The following HS6ST3 variants were observed in gnomAD, a reference collection of about 807,000 sequenced individuals.
HS6ST3 encodes the protein heparan-sulfate 6-O-sulfotransferase 3.
Under a neutral mutation model 36.7 loss-of-function variants are expected in HS6ST3, and 12 were observed. The observed-to-expected ratio is 0.33, with a 90% CI of 0.21 to 0.53. HS6ST3 has a LOEUF of 0.53. HS6ST3 is among the 20% of genes least tolerant of loss of function. The pLI is 0.95. For synonymous variants in HS6ST3, 240 were observed against 257.5 expected, an observed-to-expected ratio of 0.93 and a Z score of 0.65; for missense variants, 584 against 640.9, an observed-to-expected ratio of 0.91 and a Z score of 0.96.
chr13:96,162,777 G>A (rs1307113522), intron 1 of HS6ST3, among the ~76,000 whole-genome samples: 2 of 152,056 alleles, frequency 1.3e-5, no homozygotes, highest in African/African-American at 4.8e-5. Flanking sequence ...TTATCTAGGA[G>A]TTCTTTTTCA....
chr13:96,618,984 C>A (rs1036657841), intron 1 of HS6ST3, among the ~76,000 whole-genome samples: 1 of 150,766 alleles, frequency 6.6e-6, no homozygotes, highest in Non-Finnish European at 1.5e-5. Context: ...ATTTGGCAAG[C>A]AAAGAATATG....
intron 1 of HS6ST3, among the ~76,000 whole-genome samples, chr13:96,654,273 A>G (rs977477166): frequency 1.3e-5 from 2 of 152,144 alleles, no homozygotes; most frequent in Non-Finnish European, 2.9e-5. Context: ...TTAGTCATTA[A>G]GTCTTTGTCC....
intron 1 of HS6ST3, among the ~76,000 whole-genome samples, chr13:96,495,301 C>T (rs1010950954): frequency 6.6e-6 from 1 of 152,150 alleles, no homozygotes; most frequent in Admixed American, 6.5e-5. Context: ...GGGTCATTGT[C>T]GCTTGTAAGA....
At chr13:96,360,729 T>A (rs577611388) in intron 1 of HS6ST3, among the ~76,000 whole-genome samples, 262 of 151,452 alleles carry the variant, frequency 1.7e-3, no homozygotes, top group Non-Finnish European at 2.8e-3. Flanking sequence ...GGTGGGTCAC[T>A]TGAGGTCAGG....
chr13:96,659,328 A>G (rs1185898758), intron 1 of HS6ST3, among the ~76,000 whole-genome samples: 1 of 152,144 alleles, frequency 6.6e-6, no homozygotes, highest in African/African-American at 2.4e-5. Flanking sequence ...AGTGTCTTCA[A>G]ATCTTTTGTT....
chr13:96,559,537 A>G (rs2056254212), intron 1 of HS6ST3, among the ~76,000 whole-genome samples: 1 of 152,228 alleles, frequency 6.6e-6, no homozygotes, highest in African/African-American at 2.4e-5. Flanking sequence ...TAATGAAGCT[A>G]AAACACATGA....
At chr13:96,133,882 C>T (rs2053988743) in intron 1 of HS6ST3, among the ~76,000 whole-genome samples, 1 of 143,538 alleles carries the variant, frequency 7.0e-6, no homozygotes, top group Non-Finnish European at 1.5e-5. Context: ...AGTTTCAGGT[C>T]TTACATTTAA....
At chr13:96,437,480 C>T (rs929643654) in intron 1 of HS6ST3, among the ~76,000 whole-genome samples, 18 of 152,192 alleles carry the variant, frequency 1.2e-4, no homozygotes, top group African/African-American at 4.1e-4. Flanking sequence ...AGTCTCCTCC[C>T]CACCTTTCTG....
At chr13:96,254,144 G>A (rs981359194) in intron 1 of HS6ST3, among the ~76,000 whole-genome samples, 8 of 151,864 alleles carry the variant, frequency 5.3e-5, no homozygotes, top group East Asian at 1.9e-4. Flanking sequence ...AGCCGGGCGC[G>A]GTGGCTCATG....
chr13:96,501,571 A>C (rs1028177144), intron 1 of HS6ST3, among the ~76,000 whole-genome samples: 3 of 152,238 alleles, frequency 2.0e-5, no homozygotes, highest in Admixed American at 6.5e-5. Context: ...AAAAACATTT[A>C]GAACAGAGCC....
intron 1 of HS6ST3, among the ~76,000 whole-genome samples, chr13:96,326,251 T>C (rs1363724878): frequency 6.6e-6 from 1 of 151,628 alleles, no homozygotes; most frequent in Non-Finnish European, 1.5e-5. Context: ...TATGTATACA[T>C]GTGCCATGTT....
intron 1 of HS6ST3, among the ~76,000 whole-genome samples, chr13:96,555,645 G>C (rs1411748946): frequency 6.6e-6 from 1 of 152,086 alleles, no homozygotes; most frequent in African/African-American, 2.4e-5. Flanking sequence ...AATTACTTGG[G>C]TATAGATGTA....
chr13:96,193,287 G>A (rs1179286171), intron 1 of HS6ST3, among the ~76,000 whole-genome samples: 3 of 152,132 alleles, frequency 2.0e-5, no homozygotes, highest in South Asian at 2.1e-4. Flanking sequence ...AAAGCCGAAC[G>A]AAATAGGAAG....
At chr13:96,208,980 C>T (rs995877799) in intron 1 of HS6ST3, among the ~76,000 whole-genome samples, 1 of 152,172 alleles carries the variant, frequency 6.6e-6, no homozygotes, top group Non-Finnish European at 1.5e-5. Flanking sequence ...TACTGCTTCA[C>T]TGAGCCCATT....
intron 1 of HS6ST3, among the ~76,000 whole-genome samples, chr13:96,385,241 G>A (rs866624974): frequency 6.6e-6 from 1 of 151,314 alleles, no homozygotes; most frequent in South Asian, 2.1e-4. Context: ...AAGTGGAGAC[G>A]TTCTAGCTCC....
intron 1 of HS6ST3, among the ~76,000 whole-genome samples, chr13:96,470,922 G>A (rs2138890360): frequency 6.6e-6 from 1 of 152,300 alleles, no homozygotes; most frequent in South Asian, 2.1e-4. Flanking sequence ...AGGCCTCCAA[G>A]TCTGGGAAAG....
chr13:96,266,367 A>G (rs1337032505), intron 1 of HS6ST3, among the ~76,000 whole-genome samples: 1 of 152,164 alleles, frequency 6.6e-6, no homozygotes. Context: ...TGCAAAGGGA[A>G]TGTGAGGTTG....
Position 96,413,196 on chromosome 13 carries a change from T to C in HS6ST3, c.707+321627T>C, listed in dbSNP as rs9584365. On this transcript the variant is annotated intron_variant, in intron 1 of 1. Coordinates refer to ENST00000376705, the MANE Select transcript of HS6ST3 (RefSeq NM_153456.4). ...TGACATAGTTCTTTTAATTCGATTT[T>C]GAGATAGCAGCTTCAGACTAGATAA... Among the ~76,000 whole-genome samples the C allele has an allele frequency of 8.1e-3, 1,232 of 152,320 alleles. 18 individuals carry two copies. Among genetic ancestry groups the C allele is most frequent in the African/African-American group, 0.028 (1,147 of 41,570 alleles).
chr13:96,217,704 A>T (rs2054433951), intron 1 of HS6ST3, among the ~76,000 whole-genome samples: 1 of 152,208 alleles, frequency 6.6e-6, no homozygotes, highest in African/African-American at 2.4e-5. Flanking sequence ...TAACTTCAAA[A>T]TCTATACTGT....
Sources: gnomAD v4.1 joint callset for allele counts (sites outside exome capture counted in the v4.1 genomes callset) on GRCh38, gnomAD v4.1.1 for gene constraint, MANE v1.5 for transcripts, NCBI Gene and HGNC (gene_info 2026-07-23, HGNC 2026-07-21) for gene names.